MDM2: variants seen among roughly 807,000 people sequenced by gnomAD.
MDM2 encodes the protein MDM2 proto-oncogene.
In MDM2, 11 loss-of-function variants were observed where a neutral mutation model predicts 64.3. The ratio of observed to expected loss-of-function variants is 0.17; its 90% confidence interval spans 0.11 to 0.28. The LOEUF (loss-of-function observed/expected upper bound fraction) is 0.28, where lower values mean the gene tolerates loss of function less well. Ranked by LOEUF, MDM2 falls within the 10% of genes least tolerant of loss-of-function variation. The probability of loss-of-function intolerance (pLI) is 1.00; values close to 1 mark genes in which losing one functional copy is unlikely to be tolerated. For missense variants in MDM2, 388 were observed against 577.1 expected (o/e 0.67, Z 3.36); for synonymous variants, 194 against 192.9 (o/e 1.01, Z -0.05).
downstream of MDM2, chr12:68,847,784 T>A (rs964902865): frequency 1.3e-5 from 2 of 152,092 alleles, no homozygotes. Flanking sequence ...ATAAATACAT[T>A]GTGTATACAG....
At chr12:68,813,682 T>TA (rs1426242422) in intron 3 of MDM2, 54 bp downstream of exon 3, 4 of 1,341,774 alleles carry the variant, frequency 3.0e-6, no homozygotes, top group Non-Finnish European at 4.2e-6. Flanking sequence ...TAGCCATACT[T>TA]AAAGTTTTCA....
Position 68,809,080 on chromosome 12 carries a change from G to T in MDM2, c.15-128G>T. ...GGACGCACGCCACTTTTTCTCTGCT[G>T]ATCCAGGTAAGCACCGACTTGCTTG... On this transcript the variant is annotated intron_variant, in intron 1 of 10. Coordinates refer to ENST00000258149, the MANE Select transcript of MDM2 (RefSeq NM_002392.6). The T allele has an allele frequency of 7.3e-6, 11 of 1,510,260 alleles. No individual in the cohort carries two copies. The South Asian group carries it at 1.5e-4, about 20-fold the overall frequency. The allele number at this position is 1,510,260 out of a possible 1,614,324, so 93.6% of individuals were successfully genotyped here.
At chr12:68,836,977 C>T (rs957607501) in intron 10 of MDM2, among the ~76,000 whole-genome samples, 51 of 128,292 alleles carry the variant, frequency 4.0e-4, no homozygotes, top group African/African-American at 1.4e-3. Flanking sequence ...TTTTTTTAAA[C>T]AGGGTCTTAC....
At chr12:68,819,043 T>C (rs1649004923) in intron 4 of MDM2, among the ~76,000 whole-genome samples, 1 of 152,204 alleles carries the variant, frequency 6.6e-6, no homozygotes, top group Non-Finnish European at 1.5e-5. Flanking sequence ...GAATATTGAA[T>C]CTTCGGATAA....
chr12:68,839,651 G>A lies in MDM2; in HGVS notation c.1296G>A (p.Val432=), dbSNP rs2136179144. The stretch of plus-strand genomic sequence containing the variant: ...AAACCCAAGACAAAGAAGAGAGTGT[G>A]GAATCTAGTTTGCCCCTTAATGCCA... ...REETQDKEES[V]ESSLPLNAIE... is the part of the protein sequence containing the mutation. Residue 432 remains valine, a synonymous_variant, in exon 11 of 11, where the codon GTG becomes GTA. Coordinates refer to ENST00000258149, the MANE Select transcript of MDM2 (RefSeq NM_002392.6). 19 of 1,613,604 alleles carry A rather than the reference G, an allele frequency of 1.2e-5. No individual in the cohort carries two copies. Among genetic ancestry groups the A allele is most frequent in the Non-Finnish European group, 1.6e-5 (19 of 1,179,994 alleles).
At chr12:68,833,628 T>C (rs1293993336) in intron 8 of MDM2, among the ~76,000 whole-genome samples, 1 of 151,782 alleles carries the variant, frequency 6.6e-6, no homozygotes, top group Non-Finnish European at 1.5e-5. Context: ...TTATTTGGGC[T>C]CTGCCGGGCC....
At chr12:68,832,725 C>T (rs76686311) in intron 8 of MDM2, among the ~76,000 whole-genome samples, 1 of 151,572 alleles carries the variant, frequency 6.6e-6, no homozygotes, top group African/African-American at 2.4e-5. Flanking sequence ...TGGCCTGTTG[C>T]CCAGGCTGGT....
chr12:68,833,259 A>AAT, intron 8 of MDM2, among the ~76,000 whole-genome samples: 1 of 122,396 alleles, frequency 8.2e-6, no homozygotes, highest in Admixed American at 8.8e-5. Flanking sequence ...ATATATATTT[A>AAT]TATAATTATA....
intron 10 of MDM2, 131 bp from the exon 11 acceptor site, chr12:68,839,143 A>G (rs1883540111): frequency 9.1e-6 from 7 of 765,216 alleles, no homozygotes; most frequent in Non-Finnish European, 1.5e-5. Context: ...ACTATTTTAT[A>G]TAAAACATGA....
At chr12:68,829,495 C>T (rs916756575) in intron 8 of MDM2, among the ~76,000 whole-genome samples, 2 of 152,040 alleles carry the variant, frequency 1.3e-5, no homozygotes, top group Admixed American at 6.6e-5. Context: ...GGGCTGGGTG[C>T]GGTGGCTCAT....
Position 68,844,935 on chromosome 12 carries a change from T to G in MDM2, c.*5086T>G, listed in dbSNP as rs1207954798. ...GCACCCTGTCACCACGCCCCGCTAATTTTTGTATTTCTAGCAGAGATGAAG... is the reference window on the plus strand; with the variant it reads ...GCACCCTGTCACCACGCCCCGCTAAGTTTTGTATTTCTAGCAGAGATGAAG... On this transcript the variant is annotated 3_prime_UTR_variant, in exon 11 of 11. Transcript: ENST00000258149. 1.0e-5 allele frequency: 2 copies of G among 195,720 alleles called. No individual in the cohort carries two copies. The highest frequency in any genetic ancestry group is 1.6e-4 in the East Asian group (2 of 12,536). The allele number at this position is 195,720 out of a possible 1,614,324, so 12.1% of individuals were successfully genotyped here. A position where few individuals can be genotyped will look rare whatever the true frequency, so the allele number is the denominator to read the frequency against.
intron 8 of MDM2, among the ~76,000 whole-genome samples, chr12:68,832,210 C>T (rs1882852883): frequency 6.6e-6 from 1 of 152,066 alleles, no homozygotes; most frequent in African/African-American, 2.4e-5. Flanking sequence ...TCATCATTCA[C>T]CAGTTTGTGA....
In MDM2 at chr12:68,843,368, T is replaced by C. The variant is rs1883974562; in HGVS notation, c.*3519T>C. 1 of 231,120 alleles carries C rather than the reference T, an allele frequency of 4.3e-6. No individual in the cohort carries two copies. The highest frequency in any genetic ancestry group is 1.8e-4 in the South Asian group (1 of 5,506). 14.3% of individuals were successfully genotyped at this position (231,120 alleles called of 1,614,324 possible). ...ATGTTCTTGCTACAAATAAATGATA[T>C]TTGAGCTGATGGGTGTGCTAATTAC... On this transcript the variant is annotated 3_prime_UTR_variant, in exon 11 of 11. Transcript: ENST00000258149.
chr12:68,812,866 T>TA (rs1881028646), intron 2 of MDM2, among the ~76,000 whole-genome samples: 1 of 152,178 alleles, frequency 6.6e-6, no homozygotes, highest in African/African-American at 2.4e-5. Flanking sequence ...TTAAAATACT[T>TA]ACAGTCTGGC....
intron 2 of MDM2, among the ~76,000 whole-genome samples, chr12:68,809,611 A>G (rs1442359833): frequency 7.5e-6 from 1 of 133,294 alleles, no homozygotes; most frequent in Non-Finnish European, 1.8e-5. Context: ...AATGGTTTCT[A>G]AAAGTCAAAA....
intron 2 of MDM2, among the ~76,000 whole-genome samples, chr12:68,810,607 G>T (rs1032153511): frequency 6.6e-6 from 1 of 151,196 alleles, no homozygotes; most frequent in Admixed American, 6.6e-5. Flanking sequence ...GACTACAGGC[G>T]CCCACCACCA....
chr12:68,812,023 G>C (rs1354799453), intron 2 of MDM2, among the ~76,000 whole-genome samples: 2 of 152,104 alleles, frequency 1.3e-5, no homozygotes, highest in Non-Finnish European at 2.9e-5. Flanking sequence ...TGGGATTACA[G>C]ACCTGAGCCA....
At chr12:68,819,497 T>C (rs1881669124) in intron 4 of MDM2, among the ~76,000 whole-genome samples, 2 of 152,202 alleles carry the variant, frequency 1.3e-5, no homozygotes, top group Admixed American at 6.5e-5. Context: ...AAGTTTCTTT[T>C]TTTTCTTCCC....
intron 7 of MDM2, among the ~76,000 whole-genome samples, chr12:68,827,471 A>G (rs1483581458): frequency 6.6e-6 from 1 of 152,102 alleles, no homozygotes. Context: ...AATTTTTACT[A>G]TATATGTTGC....
Sources: allele counts gnomAD v4.1 joint callset (sites outside exome capture counted in the v4.1 genomes callset), GRCh38; gene constraint gnomAD v4.1.1; transcripts MANE v1.5; gene names NCBI Gene and HGNC (gene_info 2026-07-23, HGNC 2026-07-21).